The following EEF2 variants were observed in gnomAD, a reference collection of about 807,000 sequenced individuals.
The protein encoded by EEF2 is eukaryotic translation elongation factor 2, also known as elongation factor 2.
A neutral mutation model predicts 85.3 loss-of-function variants in EEF2; 21 were observed. That is an observed-to-expected ratio of 0.25 (90% CI 0.17 to 0.35). The LOEUF is 0.35. Ranked by LOEUF, EEF2 falls within the 10% of genes least tolerant of loss-of-function variation. The pLI is 1.00. For synonymous variants in EEF2, 723 were observed against 508.8 expected (o/e 1.42, Z -5.67); for missense variants, 825 against 1,225.3 (o/e 0.67, Z 4.88).
At position 3,977,592 on chromosome 19, in the gene EEF2, TCTC is replaced by T; in HGVS notation, c.2083_2085del (p.Glu695del). On this transcript the variant is annotated inframe_deletion, in exon 13 of 15. Transcript: ENST00000309311. This position sits in a 1 kb window ranked among gnomAD's most constrained non-coding sequence, Gnocchi z 5.4. Reference sequence around the variant, plus strand: ...ACGTCGAAGCGCACACCCCGCATGTTCTCCTCACACAGTGCGCCCTGGGGGAGG... The same window carrying T: ...ACGTCGAAGCGCACACCCCGCATGTTCTCACACAGTGCGCCCTGGGGGAGG... 1 of 1,545,882 alleles carries T rather than the reference TCTC, an allele frequency of 6.5e-7. No homozygotes were observed. Among genetic ancestry groups the T allele is most frequent in the Non-Finnish European group, 8.7e-7 (1 of 1,151,224 alleles).
At position 3,976,214 on chromosome 19, in the gene EEF2, A is replaced by T. The variant is rs888030446; in HGVS notation, c.*340T>A. 2.3e-5 allele frequency: 7 copies of T among 302,672 alleles called. No homozygotes were observed. Among genetic ancestry groups the T allele is most frequent in the African/African-American group, 1.3e-4 (6 of 44,766 alleles). 18.7% of individuals were successfully genotyped at this position (302,672 alleles called of 1,614,324 possible). On this transcript the variant is annotated 3_prime_UTR_variant, in exon 15 of 15. Coordinates refer to ENST00000309311, the MANE Select transcript of EEF2 (RefSeq NM_001961.4). ...CCACTGCGGGCCATGTACCCAAATAAACCTCTTAATGCGTTTGTTAAAATT... is the reference window on the plus strand; with the variant it reads ...CCACTGCGGGCCATGTACCCAAATATACCTCTTAATGCGTTTGTTAAAATT...
rs1180832473 is a variant in EEF2 at position 3,976,610 on chromosome 19, G to A, written c.2521C>T (p.Arg841Cys). The change falls in exon 15 of 15, where the codon CGC (arginine) becomes TGC (cysteine). Residue 841 changes from arginine to cysteine, a missense_variant. Transcript: ENST00000309311. The stretch of plus-strand genomic sequence containing the variant: ...GGGATGCCTTCTTTCAGGCCCTTGC[G>A]CTTGCGGGTCTCCGCCACCACCTGG... ...PSQVVAETRK[R>C]KGLKEGIPAL... The A allele has an allele frequency of 2.5e-6, 4 of 1,610,626 alleles. No homozygotes were observed. Among genetic ancestry groups the A allele is most frequent in the Non-Finnish European group, 3.4e-6 (4 of 1,178,772 alleles).
In EEF2 at chr19:3,984,132, T is replaced by G; in HGVS notation, c.218+4A>C. 6.2e-7 allele frequency: 1 copy of G among 1,613,484 alleles called. No homozygotes were observed. Among genetic ancestry groups the G allele is most frequent in the Non-Finnish European group, 8.5e-7 (1 of 1,179,706 alleles). ...CCTGGGTACAGAGGGCACAGGGAGCTCACGTTGACTTGATGGTGATGCAAC... is the reference window on the plus strand; with the variant it reads ...CCTGGGTACAGAGGGCACAGGGAGCGCACGTTGACTTGATGGTGATGCAAC... On this transcript the variant is annotated splice_donor_region_variant and intron_variant, in intron 2 of 14. Transcript: ENST00000309311.
At chr19:3,982,203 C>T (rs749406445) in intron 5 of EEF2, 43 bp downstream of exon 5, 2 of 1,610,018 alleles carry the variant, frequency 1.2e-6, no homozygotes, top group Non-Finnish European at 1.7e-6. Flanking sequence ...CTGCCACTAC[C>T]CCCAGGTGTC....
At chr19:3,985,349 C>A (rs1247083159) in intron 1 of EEF2, 29 bp downstream of exon 1, 1 of 1,467,004 alleles carries the variant, frequency 6.8e-7, no homozygotes, top group Non-Finnish European at 9.1e-7. Flanking sequence ...GCCGCCGCTC[C>A]GGGGCACCAG....
rs1568203209 is a variant in EEF2, at chr19:3,984,305, C to T, written c.49G>A (p.Ala17Thr). ...ATGACAGACATGTTGCGGATGTTGG[C>T]CTTCTTGTCCATGATGGCGCGGATC... ...DQIRAIMDKK[A>T]NIRNMSVIAH... Residue 17 changes from alanine to threonine, a missense_variant, in exon 2 of 15, where the codon GCC becomes ACC. Ala to Thr is a moderately conservative substitution (Grantham distance 58). Coordinates refer to ENST00000309311, the MANE Select transcript of EEF2 (RefSeq NM_001961.4). 2 of 1,614,082 alleles carry T rather than the reference C, an allele frequency of 1.2e-6. No individual in the cohort carries two copies. Among genetic ancestry groups the T allele is most frequent in the Non-Finnish European group, 1.7e-6 (2 of 1,180,036 alleles).
At chr19:3,980,451 G>T (rs1026404453) in intron 9 of EEF2, 63 bp downstream of exon 9, 2 of 1,536,106 alleles carry the variant, frequency 1.3e-6, no homozygotes, top group African/African-American at 1.4e-5. Flanking sequence ...AGGAGCCCAA[G>T]ACTTGGAGCA....
chr19:3,981,547 G>C (rs768825473), intron 6 of EEF2, 95 bp from the exon 7 acceptor site: 4 of 1,179,270 alleles, frequency 3.4e-6, no homozygotes, highest in African/African-American at 3.0e-5. Context: ...GTCAGCGCAG[G>C]GGGACGCAGC....
chr19:3,983,906 A>C, intron 2 of EEF2: 1 of 564,056 alleles, frequency 1.8e-6, no homozygotes, highest in Non-Finnish European at 3.2e-6. Flanking sequence ...GGGAGGGAGA[A>C]CCACGGAGTT....
intron 6 of EEF2, among the ~76,000 whole-genome samples, 157 bp from the exon 7 acceptor site, chr19:3,981,609 C>T (rs926022362): frequency 5.9e-5 from 9 of 152,184 alleles, no homozygotes; most frequent in Non-Finnish European, 1.3e-4. Flanking sequence ...GCCAGCTGAG[C>T]GGATCGGGAG....
chr19:3,981,935 G>A lies in EEF2; in HGVS notation c.897+12C>T. ...TCGCATCGGCGGGGTGCCTGGCGCA[G>A]CCCTCACTCACCTTGAAGATGGGGT... On this transcript the variant is annotated intron_variant, in intron 6 of 14. Coordinates refer to ENST00000309311, the MANE Select transcript of EEF2 (RefSeq NM_001961.4). 6.2e-7 allele frequency: 1 copy of A among 1,612,262 alleles called. No individual in the cohort carries two copies. Among genetic ancestry groups the A allele is most frequent in the Non-Finnish European group, 8.5e-7 (1 of 1,178,726 alleles).
chr19:3,983,715 G>A (rs984362687), intron 2 of EEF2: 6 of 292,590 alleles, frequency 2.1e-5, no homozygotes, highest in African/African-American at 8.7e-5. Flanking sequence ...ACAAAAAGCA[G>A]TTGGGGTCAC....
chr19:3,984,045 C>A, intron 2 of EEF2, 91 bp downstream of exon 2: 1 of 1,400,718 alleles, frequency 7.1e-7, no homozygotes, highest in Non-Finnish European at 9.9e-7. Context: ...AGAGACGTTG[C>A]CAAGTCTCTC....
rs374797871 is a variant in EEF2 at position 3,985,414 on chromosome 19, A to C, written c.-34T>G. On this transcript the variant is annotated 5_prime_UTR_variant, in exon 1 of 15. Transcript: ENST00000309311. ...ATGGCGGTGGATTCTCCCAGGTAGA[A>C]CCGAAAGAAGCGAGTCGCGCCGAGG... 6.7e-7 allele frequency: 1 copy of C among 1,487,930 alleles called. No homozygotes were observed. The highest frequency in any genetic ancestry group is 9.0e-7 in the Non-Finnish European group (1 of 1,112,750). The allele number at this position is 1,487,930 out of a possible 1,614,324, so 92.2% of individuals were successfully genotyped here.
Position 3,977,226 on chromosome 19 carries a change from T to C in EEF2, c.2372A>G (p.Asn791Ser), listed in dbSNP as rs775119611. The C allele has an allele frequency of 3.1e-6, 5 of 1,613,686 alleles. No homozygotes were observed. Among genetic ancestry groups the C allele is most frequent in the South Asian group, 1.1e-5 (1 of 91,060 alleles). ...MFVVKAYLPV[N>S]ESFGFTADLR... The stretch of plus-strand genomic sequence containing the variant: ...GGGCAGGCACTCACCAAAGGACTCG[T>C]TGACGGGCAGATAGGCCTTGACCAC... The change falls in exon 14 of 15, where the codon AAC becomes AGC. Residue 791 changes from asparagine to serine, a missense_variant. Asn to Ser is a conservative substitution (Grantham distance 46, BLOSUM62 1). Coordinates refer to ENST00000309311, the MANE Select transcript of EEF2 (RefSeq NM_001961.4). This position sits in a 1 kb window ranked among gnomAD's most constrained non-coding sequence, Gnocchi z 5.4.
At chr19:3,985,304 C>A in intron 1 of EEF2, 74 bp downstream of exon 1, 2 of 1,345,670 alleles carry the variant, frequency 1.5e-6, no homozygotes, top group Non-Finnish European at 1.9e-6. Flanking sequence ...GCCCCAGCGT[C>A]CCAGGCTAGG....
At position 3,985,432 on chromosome 19, in the gene EEF2, C is replaced by G; in HGVS notation, c.-52G>C. On this transcript the variant is annotated 5_prime_UTR_variant, in exon 1 of 15. Transcript: ENST00000309311. Reference sequence around the variant, plus strand: ...AGGTAGAACCGAAAGAAGCGAGTCGCGCCGAGGATGGCGGCGACGACGGCG... The same window carrying G: ...AGGTAGAACCGAAAGAAGCGAGTCGGGCCGAGGATGGCGGCGACGACGGCG... 6 of 1,462,174 alleles carry G rather than the reference C, an allele frequency of 4.1e-6. No individual in the cohort carries two copies. Among genetic ancestry groups the G allele is most frequent in the Non-Finnish European group, 5.5e-6 (6 of 1,100,142 alleles). The allele number at this position is 1,462,174 out of a possible 1,614,324, so 90.6% of individuals were successfully genotyped here.
chr19:3,978,053 G>T lies in EEF2; in HGVS notation c.1833C>A (p.Asp611Glu), dbSNP rs375212891. 1.3e-6 allele frequency: 2 copies of T among 1,591,654 alleles called. No individual in the cohort carries two copies. The highest frequency in any genetic ancestry group is 1.7e-6 in the Non-Finnish European group (2 of 1,165,984). ...RLYMKARPFP[D>E]GLAEDIDKGE... ...CTTTATCGATGTCCTCGGCCAGGCC[G>T]TCGGGGAAGGGCCGCGCCTTCATGT... The change falls in exon 12 of 15, where the codon GAC (aspartate) becomes GAA (glutamate). Residue 611 changes from aspartate to glutamate, a missense_variant. Asp to Glu is a conservative substitution (Grantham distance 45, BLOSUM62 2). Transcript: ENST00000309311.
rs572551197 is a variant in EEF2, at chr19:3,976,281, T to A, written c.*273A>T. Reference sequence around the variant, plus strand: ...TTTCCCTCTGAAGAAATGGAAAAAGTGTTGGGTGTCCCATCCCGCCTCCCC... The same window carrying A: ...TTTCCCTCTGAAGAAATGGAAAAAGAGTTGGGTGTCCCATCCCGCCTCCCC... On this transcript the variant is annotated 3_prime_UTR_variant, in exon 15 of 15. Transcript: ENST00000309311. 1 of 438,502 alleles carries A rather than the reference T, an allele frequency of 2.3e-6. No individual in the cohort carries two copies. The highest frequency in any genetic ancestry group is 4.4e-5 in the East Asian group (1 of 22,654). The allele number at this position is 438,502 out of a possible 1,614,324, so 27.2% of individuals were successfully genotyped here. A position where few individuals can be genotyped will look rare whatever the true frequency, so the allele number is the denominator to read the frequency against.
Sources: gnomAD v4.1 joint callset for allele counts (sites outside exome capture counted in the v4.1 genomes callset) on GRCh38, gnomAD v4.1.1 for gene constraint, Gnocchi (gnomAD v3.1) non-coding constraint, MANE v1.5 for transcripts, NCBI Gene and HGNC (gene_info 2026-07-23, HGNC 2026-07-21) for gene names.